Variants in PTTG1IP2 observed in about 807,000 individuals in gnomAD.
PTTG1IP2 encodes PTTG1IP family member 2.
intron 1 of PTTG1IP2, among the ~76,000 whole-genome samples, chr7:90,476,974 C>T (rs1433566275): frequency 6.6e-6 from 1 of 151,736 alleles, no homozygotes; most frequent in East Asian, 1.9e-4. Flanking sequence ...TATTTTATGC[C>T]AGGAATGTCT....
intron 6 of PTTG1IP2, among the ~76,000 whole-genome samples, chr7:90,511,916 TCCACTCAGCCTGGG>T (rs1798194984): frequency 6.6e-6 from 1 of 152,216 alleles, no homozygotes; most frequent in South Asian, 2.1e-4. Context: ...CTGTGTTCCT[TCCACTCAGCCTGGG>T]CATTGCTCAG....
intron 1 of PTTG1IP2, among the ~76,000 whole-genome samples, chr7:90,474,063 T>C (rs2116043655): frequency 6.6e-6 from 1 of 152,314 alleles, no homozygotes; most frequent in South Asian, 2.1e-4. Context: ...ATTGTGTGAA[T>C]GTCATAGAGT....
At chr7:90,504,829 G>A (rs1374078179) in intron 6 of PTTG1IP2, among the ~76,000 whole-genome samples, 1 of 152,188 alleles carries the variant, frequency 6.6e-6, no homozygotes, top group Admixed American at 6.5e-5. Context: ...GATTATGTGT[G>A]CACAACAGTC....
At chr7:90,498,074 A>G (rs1334175996) in intron 6 of PTTG1IP2, among the ~76,000 whole-genome samples, 3 of 151,604 alleles carry the variant, frequency 2.0e-5, no homozygotes, top group Admixed American at 6.6e-5. Flanking sequence ...TGCCCAGACT[A>G]GAGTGCAGTG....
chr7:90,502,108 T>C (rs1419256127), intron 6 of PTTG1IP2, among the ~76,000 whole-genome samples: 1 of 152,244 alleles, frequency 6.6e-6, no homozygotes, highest in African/African-American at 2.4e-5. Context: ...TCAAGTTTTA[T>C]CATGTGATTG....
chr7:90,471,230 C>G (rs1044647517), intron 1 of PTTG1IP2, among the ~76,000 whole-genome samples: 1 of 152,156 alleles, frequency 6.6e-6, no homozygotes, highest in East Asian at 1.9e-4. Context: ...CATCATGATA[C>G]TTTTCACTTC....
At chr7:90,474,292 G>A (rs1797721705) in intron 1 of PTTG1IP2, among the ~76,000 whole-genome samples, 1 of 152,180 alleles carries the variant, frequency 6.6e-6, no homozygotes, top group South Asian at 2.1e-4. Context: ...TGTCCTATAT[G>A]CAGTCTGTTG....
At chr7:90,507,030 T>C (rs1400327020) in intron 6 of PTTG1IP2, among the ~76,000 whole-genome samples, 1 of 152,228 alleles carries the variant, frequency 6.6e-6, no homozygotes, top group African/African-American at 2.4e-5. Flanking sequence ...CTATTGTTTG[T>C]ATAAACAATT....
At chr7:90,482,224 G>A (rs767211976) in intron 2 of PTTG1IP2, among the ~76,000 whole-genome samples, 5 of 152,014 alleles carry the variant, frequency 3.3e-5, no homozygotes, top group African/African-American at 4.8e-5. Flanking sequence ...GAGAATATTT[G>A]AGCTCTTTTT....
intron 1 of PTTG1IP2, among the ~76,000 whole-genome samples, chr7:90,473,940 T>C (rs1480520955): frequency 3.9e-5 from 6 of 152,258 alleles, no homozygotes; most frequent in African/African-American, 1.4e-4. Context: ...ATCTGTGTTA[T>C]GCACTCAGAA....
chr7:90,501,869 C>A (rs1215005607), intron 6 of PTTG1IP2, among the ~76,000 whole-genome samples: 1 of 152,134 alleles, frequency 6.6e-6, no homozygotes, highest in Non-Finnish European at 1.5e-5. Flanking sequence ...TTAAAGATTT[C>A]TTTGCAGCAT....
chr7:90,505,961 G>C (rs572663074), intron 6 of PTTG1IP2, among the ~76,000 whole-genome samples: 1 of 129,558 alleles, frequency 7.7e-6, no homozygotes, highest in African/African-American at 2.9e-5. Context: ...TCCGCAGTCC[G>C]GCCTGGGCGA....
At chr7:90,497,732 AAAAAAAAAAAAAG>A (rs1798012024) in intron 6 of PTTG1IP2, among the ~76,000 whole-genome samples, 2 of 146,438 alleles carry the variant, frequency 1.4e-5, no homozygotes, top group South Asian at 2.1e-4. Flanking sequence ...AAAAAAAAAA[AAAAAAAAAAAAAG>A]AAGAAGAAGA....
chr7:90,499,050 C>T (rs1798031301), intron 6 of PTTG1IP2, among the ~76,000 whole-genome samples: 1 of 152,124 alleles, frequency 6.6e-6, no homozygotes, highest in Non-Finnish European at 1.5e-5. Flanking sequence ...TGGGATTTCA[C>T]TATATTGCCC....
At chr7:90,511,486 A>G (rs915394918) in intron 6 of PTTG1IP2, among the ~76,000 whole-genome samples, 4 of 152,168 alleles carry the variant, frequency 2.6e-5, no homozygotes, top group African/African-American at 9.7e-5. Flanking sequence ...TGCACAGTTA[A>G]TATCTCTTTT....
intron 6 of PTTG1IP2, among the ~76,000 whole-genome samples, chr7:90,496,910 T>C (rs1797997820): frequency 1.3e-5 from 2 of 152,240 alleles, no homozygotes; most frequent in South Asian, 2.1e-4. Context: ...TGTCTCAATA[T>C]ACTTTTTGCT....
chr7:90,489,976 C>T (rs17869760), intron 4 of PTTG1IP2, among the ~76,000 whole-genome samples: 2,174 of 152,026 alleles, frequency 0.014, 92 homozygotes, highest in East Asian at 0.11. Context: ...TATCTTTATT[C>T]TCATCACTGT....
intron 2 of PTTG1IP2, among the ~76,000 whole-genome samples, chr7:90,480,900 A>T (rs1262787431): frequency 6.6e-6 from 1 of 152,098 alleles, no homozygotes; most frequent in African/African-American, 2.4e-5. Context: ...AAGGATTTGG[A>T]TTAATTTTAG....
chr7:90,493,697 G>A (rs963159412), intron 5 of PTTG1IP2, among the ~76,000 whole-genome samples: 1 of 152,156 alleles, frequency 6.6e-6, no homozygotes, highest in Admixed American at 6.6e-5. Context: ...TACATTAAAG[G>A]CTTGAGTAAG....
Sources: gnomAD v4.1 joint callset for allele counts (sites outside exome capture counted in the v4.1 genomes callset) on GRCh38, gnomAD v4.1.1 for gene constraint, MANE v1.5 for transcripts, NCBI Gene and HGNC (gene_info 2026-07-23, HGNC 2026-07-21) for gene names.